SUMF1: variants seen among roughly 807,000 people sequenced by gnomAD.
The protein encoded by SUMF1 is formylglycine-generating enzyme.
SUMF1 carries 48 observed loss-of-function variants against 47.6 expected under a neutral mutation model. The observed-to-expected ratio is 1.01, with a 90% confidence interval of 0.80 to 1.28. The LOEUF (loss-of-function observed/expected upper bound fraction) is 1.28, where lower values mean the gene tolerates loss of function less well. SUMF1 is among the 50% of genes most tolerant of loss of function. The pLI is 0.00. For synonymous variants in SUMF1, 230 were observed against 192.1 expected, an observed-to-expected ratio of 1.20 and a Z score of -1.63; for missense variants, 571 against 485.4, an observed-to-expected ratio of 1.18 and a Z score of -1.66.
At chr3:4,050,597 G>A (rs948335376) in intron 9 of SUMF1, among the ~76,000 whole-genome samples, 22 of 151,164 alleles carry the variant, frequency 1.5e-4, no homozygotes, top group South Asian at 4.2e-4. Context: ...CAAAAAATTC[G>A]TCAGGTGTGT....
chr3:4,238,531 C>T (rs76574785), intron 8 of SUMF1, among the ~76,000 whole-genome samples: 56,292 of 151,938 alleles, frequency 0.37, 11,148 homozygotes, highest in Non-Finnish European at 0.45. Flanking sequence ...CGACCAGTGA[C>T]GATGAGTTTT....
At chr3:4,413,439 T>A (rs1011689583) in intron 6 of SUMF1, among the ~76,000 whole-genome samples, 11 of 151,978 alleles carry the variant, frequency 7.2e-5, no homozygotes, top group African/African-American at 2.7e-4. Flanking sequence ...CTTAAATAAT[T>A]TGATGTTTAA....
intron 8 of SUMF1, among the ~76,000 whole-genome samples, chr3:4,073,426 A>T (rs1158202201): frequency 6.6e-6 from 1 of 152,198 alleles, no homozygotes; most frequent in Non-Finnish European, 1.5e-5. Flanking sequence ...AACTGCATCA[A>T]CCAACAGGCA....
intron 8 of SUMF1, among the ~76,000 whole-genome samples, chr3:4,177,881 T>C (rs1695002095): frequency 6.6e-6 from 1 of 152,084 alleles, no homozygotes; most frequent in Non-Finnish European, 1.5e-5. Flanking sequence ...CCCACAGAAA[T>C]ACAATCTACC....
chr3:4,207,472 T>C (rs573014832), intron 8 of SUMF1, among the ~76,000 whole-genome samples: 57 of 152,282 alleles, frequency 3.7e-4, no homozygotes, highest in African/African-American at 1.4e-3. Flanking sequence ...CAGCTCAGGT[T>C]GAAGAAATGT....
intron 8 of SUMF1, among the ~76,000 whole-genome samples, chr3:4,144,119 C>T (rs1381240740): frequency 1.3e-5 from 2 of 151,592 alleles, no homozygotes. Flanking sequence ...GTAGGCACCA[C>T]CATACCTGGC....
chr3:4,129,023 GA>G (rs1362191979), intron 8 of SUMF1, among the ~76,000 whole-genome samples: 1 of 152,168 alleles, frequency 6.6e-6, no homozygotes, highest in Non-Finnish European at 1.5e-5. Context: ...GGCAGATTGG[GA>G]TGGTGGAGTG....
chr3:4,219,261 C>T lies in SUMF1; in HGVS notation c.1015-150516G>A, dbSNP rs527788244. On this transcript the variant is annotated intron_variant and NMD_transcript_variant, in intron 8 of 12. Transcript: ENST00000448413. ...TATTCGACACTTTCCACATTTCAAA[C>T]GTTTTCACATATTTGATCCTTACAA... Among the ~76,000 whole-genome samples, 72 of 152,278 alleles carry T rather than the reference C, an allele frequency of 4.7e-4. 1 individual carries two copies. Among genetic ancestry groups the T allele is most frequent in the Admixed American group, 2.4e-3 (36 of 15,288 alleles).
intron 8 of SUMF1, among the ~76,000 whole-genome samples, chr3:4,170,892 G>C (rs1210895035): frequency 1.3e-5 from 2 of 152,130 alleles, no homozygotes; most frequent in African/African-American, 4.8e-5. Flanking sequence ...CCCAGAAGCA[G>C]ATGAAGTCAG....
At chr3:4,112,838 C>T (rs568874479) in intron 8 of SUMF1, among the ~76,000 whole-genome samples, 2 of 152,262 alleles carry the variant, frequency 1.3e-5, no homozygotes, top group South Asian at 2.1e-4. Context: ...GCTGTAGATG[C>T]TTACCAACAA....
intron 8 of SUMF1, among the ~76,000 whole-genome samples, chr3:4,147,295 C>A (rs1694218171): frequency 6.6e-6 from 1 of 152,058 alleles, no homozygotes; most frequent in Non-Finnish European, 1.5e-5. Flanking sequence ...TACCATTTGA[C>A]CCAGCCATCC....
At chr3:4,448,687 G>A (rs1014165714) in intron 3 of SUMF1, among the ~76,000 whole-genome samples, 1 of 152,112 alleles carries the variant, frequency 6.6e-6, no homozygotes, top group African/African-American at 2.4e-5. Flanking sequence ...CTACTCCACC[G>A]TTTGTTTCCA....
At chr3:4,344,449 T>C (rs1699333980) in intron 8 of SUMF1, among the ~76,000 whole-genome samples, 1 of 152,098 alleles carries the variant, frequency 6.6e-6, no homozygotes, top group Non-Finnish European at 1.5e-5. Context: ...AAGAGGGACC[T>C]GACTTTTGAA....
intron 8 of SUMF1, among the ~76,000 whole-genome samples, chr3:4,149,940 C>T (rs940617325): frequency 6.6e-6 from 1 of 152,082 alleles, no homozygotes; most frequent in Non-Finnish European, 1.5e-5. Flanking sequence ...CAGTTGATTT[C>T]ATTTGCATAT....
chr3:4,183,556 G>A (rs565009337), intron 8 of SUMF1, among the ~76,000 whole-genome samples: 44 of 152,194 alleles, frequency 2.9e-4, no homozygotes, highest in African/African-American at 1.0e-3. Flanking sequence ...TGCTGATTCA[G>A]ACCTAATTTA....
At chr3:4,453,075 A>C in intron 1 of SUMF1, 26 bp from the exon 2 acceptor site, 1 of 1,603,058 alleles carries the variant, frequency 6.2e-7, no homozygotes, top group Non-Finnish European at 8.5e-7. Flanking sequence ...AAACACAGGA[A>C]GTCATGCATC....
intron 8 of SUMF1, among the ~76,000 whole-genome samples, chr3:4,164,128 A>G (rs1404114270): frequency 1.3e-5 from 2 of 152,134 alleles, no homozygotes; most frequent in Non-Finnish European, 2.9e-5. Context: ...ACGGTGTGGG[A>G]CTTTCAGGCA....
chr3:4,427,276 C>G (rs559946495), intron 3 of SUMF1, among the ~76,000 whole-genome samples: 16 of 152,246 alleles, frequency 1.1e-4, no homozygotes, highest in African/African-American at 3.9e-4. Context: ...TTTCTTGAAA[C>G]GTAGTATAAA....
At chr3:4,262,510 G>C (rs1472196273) in intron 8 of SUMF1, among the ~76,000 whole-genome samples, 2 of 152,110 alleles carry the variant, frequency 1.3e-5, no homozygotes, top group African/African-American at 2.4e-5. Flanking sequence ...GGCATGGCTG[G>C]TGCACAAGCA....
Sources: allele counts gnomAD v4.1 joint callset (sites outside exome capture counted in the v4.1 genomes callset), GRCh38; gene constraint gnomAD v4.1.1; transcripts MANE v1.5; gene names NCBI Gene and HGNC (gene_info 2026-07-23, HGNC 2026-07-21).